The following TBX15 variants were observed in gnomAD, a reference collection of about 807,000 sequenced individuals.
TBX15 encodes T-box transcription factor TBX15.
A neutral mutation model predicts 53.9 loss-of-function variants in TBX15; 18 were observed. That is an observed-to-expected ratio of 0.33 (90% confidence interval 0.23 to 0.49). TBX15 has a LOEUF of 0.49. TBX15 is among the 20% of genes least tolerant of loss of function. The pLI is 0.98. For missense variants in TBX15, 692 were observed against 749.5 expected, an observed-to-expected ratio of 0.92 and a Z score of 0.90; for synonymous variants, 295 against 278.0, an observed-to-expected ratio of 1.06 and a Z score of -0.61.
chr1:118,885,713 TCA>T (rs140071874), intron 7 of TBX15, among the ~76,000 whole-genome samples, 197 bp from the exon 8 acceptor site: 9 of 149,344 alleles, frequency 6.0e-5, no homozygotes, highest in East Asian at 1.9e-4. Context: ...ATACAGTCTC[TCA>T]CACACACACA....
chr1:118,895,925 C>T (rs777651317), intron 7 of TBX15, among the ~76,000 whole-genome samples: 1 of 152,172 alleles, frequency 6.6e-6, no homozygotes, highest in Admixed American at 6.6e-5. Context: ...AAGAGATCTG[C>T]GTTGGTACTC....
chr1:118,926,669 TA>T, intron 2 of TBX15, 58 bp from the exon 3 acceptor site: 2 of 1,419,562 alleles, frequency 1.4e-6, no homozygotes, highest in South Asian at 1.2e-5. Flanking sequence ...GTAGCAGGGG[TA>T]AAAGCTTAAA....
At chr1:118,900,474 G>A (rs1482890966) in intron 6 of TBX15, among the ~76,000 whole-genome samples, 1 of 152,178 alleles carries the variant, frequency 6.6e-6, no homozygotes, top group Non-Finnish European at 1.5e-5. Flanking sequence ...GACTCTTTGT[G>A]TTGGAAAATT....
At chr1:118,912,842 A>G (rs571526557) in intron 6 of TBX15, among the ~76,000 whole-genome samples, 98 of 152,326 alleles carry the variant, frequency 6.4e-4, no homozygotes, top group Admixed American at 1.6e-3. Context: ...CCTGAGTTCT[A>G]CTACGCTCTA....
chr1:118,910,348 C>T (rs1216635550), intron 6 of TBX15, among the ~76,000 whole-genome samples: 2 of 152,202 alleles, frequency 1.3e-5, no homozygotes, highest in Non-Finnish European at 2.9e-5. Context: ...CCATGCTCCT[C>T]TGCATGAGTA....
In TBX15 at chr1:118,928,148, C is replaced by T. The variant is rs187065928; in HGVS notation, c.420-1537G>A. ...CTCACTACTCATCCAGGAGAAGCAA[C>T]CCAAAAGGCTAATATCCCCTGGCAG... On this transcript the variant is annotated intron_variant, in intron 2 of 7. Transcript: ENST00000369429. Among the ~76,000 whole-genome samples the T allele has an allele frequency of 2.0e-4, 31 of 152,262 alleles. No homozygotes were observed. The East Asian group carries it at 5.2e-3, about 26-fold the overall frequency.
At chr1:118,891,095 G>C (rs1341087529) in intron 7 of TBX15, 3 of 278,264 alleles carry the variant, frequency 1.1e-5, no homozygotes, top group Admixed American at 5.2e-5. Flanking sequence ...GTTGAGATGA[G>C]TACCATCCTC....
At chr1:118,937,867 T>C (rs1006964737) in intron 1 of TBX15, among the ~76,000 whole-genome samples, 8 of 152,036 alleles carry the variant, frequency 5.3e-5, no homozygotes, top group African/African-American at 1.4e-4. Flanking sequence ...AAACCAAAAC[T>C]CTCATGACTA....
chr1:118,955,370 A>G (rs983810678), intron 1 of TBX15, among the ~76,000 whole-genome samples: 32 of 152,234 alleles, frequency 2.1e-4, no homozygotes, highest in African/African-American at 7.5e-4. Context: ...AAAACTTTAT[A>G]CTTATACACA....
In TBX15 at chr1:118,930,032, G is replaced by A. The variant is rs1398604363; in HGVS notation, c.419+1587C>T. Reference sequence around the variant, plus strand: ...AGATGATATTGAACACAGTTATCCAGCCCATCTTCTCCCCCTAGGAAGCCT... The same window carrying A: ...AGATGATATTGAACACAGTTATCCAACCCATCTTCTCCCCCTAGGAAGCCT... On this transcript the variant is annotated intron_variant, in intron 2 of 7. Transcript: ENST00000369429. 4.6e-5 allele frequency among the ~76,000 whole-genome samples: 7 copies of A among 152,224 alleles called. No homozygotes were observed. In the East Asian group the frequency reaches 5.8e-4, roughly 13 times the overall value.
At chr1:118,890,114 GC>G (rs1439425764) in intron 7 of TBX15, among the ~76,000 whole-genome samples, 1 of 152,168 alleles carries the variant, frequency 6.6e-6, no homozygotes, top group Admixed American at 6.5e-5. Flanking sequence ...TGTTGTACAT[GC>G]TAGAGGAACC....
Position 118,918,918 on chromosome 1 carries a change from C to T in TBX15, c.861+4518G>A, listed in dbSNP as rs149209822. ...CACTCTTCGTTATTTTTATTTCATACTATATTGCTTGAAAGGTTTTCCATA... is the reference window on the plus strand; with the variant it reads ...CACTCTTCGTTATTTTTATTTCATATTATATTGCTTGAAAGGTTTTCCATA... On this transcript the variant is annotated intron_variant, in intron 5 of 7. Transcript: ENST00000369429. Among the ~76,000 whole-genome samples, 538 of 152,274 alleles carry T rather than the reference C, an allele frequency of 3.5e-3. 1 individual carries two copies. Among genetic ancestry groups the T allele is most frequent in the Non-Finnish European group, 6.2e-3 (425 of 68,020 alleles).
intron 1 of TBX15, among the ~76,000 whole-genome samples, chr1:118,932,808 T>C (rs1404620144): frequency 6.6e-6 from 1 of 152,168 alleles, no homozygotes; most frequent in Non-Finnish European, 1.5e-5. Flanking sequence ...ATGCCAAGAA[T>C]TGTGTGTCCT....
chr1:118,911,048 A>T (rs1012344697), intron 6 of TBX15, among the ~76,000 whole-genome samples: 9 of 152,222 alleles, frequency 5.9e-5, no homozygotes, highest in African/African-American at 2.2e-4. Context: ...TGTTCTCAAT[A>T]TCTGTTGAAG....
intron 1 of TBX15, among the ~76,000 whole-genome samples, chr1:118,946,635 T>C (rs912476574): frequency 6.6e-6 from 1 of 152,186 alleles, no homozygotes; most frequent in Non-Finnish European, 1.5e-5. Flanking sequence ...TATTTTATCT[T>C]TATTATGAAG....
chr1:118,960,412 C>T (rs985240945), intron 1 of TBX15, among the ~76,000 whole-genome samples: 1 of 152,210 alleles, frequency 6.6e-6, no homozygotes, highest in South Asian at 2.1e-4. Flanking sequence ...CTTCACTGCC[C>T]TTGCACCTCC....
intron 1 of TBX15, among the ~76,000 whole-genome samples, chr1:118,969,622 C>T (rs1657167150): frequency 6.6e-6 from 1 of 152,084 alleles, no homozygotes; most frequent in Non-Finnish European, 1.5e-5. Context: ...GAATAAGAAC[C>T]ATGTTGGAGT....
chr1:118,939,407 C>CAAAAAAAAA lies in TBX15; in HGVS notation c.206-7584_206-7576dup, dbSNP rs869094141. Among the ~76,000 whole-genome samples the CAAAAAAAAA allele has an allele frequency of 5.1e-3, 45 of 8,862 alleles. 3 individuals carry two copies. The highest frequency in any genetic ancestry group is 6.4e-3 in the Non-Finnish European group (31 of 4,826). 5.8% of individuals were successfully genotyped at this position (8,862 alleles called of 152,430 possible). On this transcript the variant is annotated intron_variant, in intron 1 of 7. Transcript: ENST00000369429. Reference sequence around the variant, plus strand: ...AGGGCAACAGAATGAGATCTAGTCTCAAAAAAAAAAAAAAAAAAAAAAAAA... The same window carrying CAAAAAAAAA: ...AGGGCAACAGAATGAGATCTAGTCTCAAAAAAAAAAAAAAAAAAAAAAAAAAAAAAAAAA...
At position 118,917,001 on chromosome 1, in the gene TBX15, G is replaced by A. The variant is rs137945789; in HGVS notation, c.862-2822C>T. Among the ~76,000 whole-genome samples, 24 of 152,350 alleles carry A rather than the reference G, an allele frequency of 1.6e-4. No individual in the cohort carries two copies. The East Asian group carries it at 3.3e-3, about 21-fold the overall frequency. On this transcript the variant is annotated intron_variant, in intron 5 of 7. Coordinates refer to ENST00000369429, the MANE Select transcript of TBX15 (RefSeq NM_001330677.2). ...GCAAATTAGTTCAATTATTGTGGAAGACAGTGCAGGGATTCCTCAAAGACC... is the reference window on the plus strand; with the variant it reads ...GCAAATTAGTTCAATTATTGTGGAAAACAGTGCAGGGATTCCTCAAAGACC...
Sources: allele counts gnomAD v4.1 joint callset (sites outside exome capture counted in the v4.1 genomes callset), GRCh38; gene constraint gnomAD v4.1.1; transcripts MANE v1.5; gene names NCBI Gene and HGNC (gene_info 2026-07-23, HGNC 2026-07-21).